Variants in DHX35 observed in about 807,000 individuals in gnomAD.
The protein encoded by DHX35 is DEAH-box helicase 35, also known as probable ATP-dependent RNA helicase DHX35.
DHX35 carries 84 observed loss-of-function variants against 99.6 expected under a neutral mutation model. That is an observed-to-expected ratio of 0.84 (90% CI 0.71 to 1.01). The LOEUF (loss-of-function observed/expected upper bound fraction) is 1.01. Ranked by LOEUF, DHX35 falls within the 50% of genes least tolerant of loss-of-function variation. DHX35 has a pLI of 0.00. For synonymous variants in DHX35, 331 were observed against 316.2 expected (o/e 1.05, Z -0.50); for missense variants, 852 against 888.5 (o/e 0.96, Z 0.52).
chr20:38,972,546 T>C lies in DHX35; in HGVS notation c.175-13T>C, dbSNP rs764049520. ...ATGTATGGCTATTTGCAAGGTGTGT[T>C]ATTCTTTTTCAGCTTAGGAATCATA... is the stretch of plus-strand genomic sequence containing the variant. On this transcript the variant is annotated splice_polypyrimidine_tract_variant and intron_variant, in intron 2 of 21. Transcript: ENST00000252011. 1 of 1,551,590 alleles carries C rather than the reference T, an allele frequency of 6.4e-7. No individual in the cohort carries two copies. The highest frequency in any genetic ancestry group is 1.1e-5 in the South Asian group (1 of 89,554).
rs921599626 is a variant in DHX35, at chr20:38,969,069, T to C, written c.41-12T>C. ...TATCAGAGAATCTGAAAAAAAAACA[T>C]TTCTGCTGCAGGTACAGAGGGGCCA... On this transcript the variant is annotated splice_polypyrimidine_tract_variant and intron_variant, in intron 1 of 21. Transcript: ENST00000252011. The C allele has an allele frequency of 6.3e-7, 1 of 1,577,638 alleles. No individual in the cohort carries two copies. Among genetic ancestry groups the C allele is most frequent in the Non-Finnish European group, 8.6e-7 (1 of 1,163,762 alleles).
intron 8 of DHX35, among the ~76,000 whole-genome samples, chr20:38,995,527 A>G (rs2086415439): frequency 6.6e-6 from 1 of 151,900 alleles, no homozygotes; most frequent in South Asian, 2.1e-4. Flanking sequence ...TTCATCTCAA[A>G]AAAAAAAAAA....
At position 38,989,034 on chromosome 20, in the gene DHX35, A is replaced by G. The variant is rs2086292735; in HGVS notation, c.450+117A>G. The G allele has an allele frequency of 6.1e-6, 7 of 1,147,666 alleles. No homozygotes were observed. In the South Asian group the frequency reaches 1.0e-4, roughly 16 times the overall value. 71.1% of individuals were successfully genotyped at this position (1,147,666 alleles called of 1,614,324 possible). The stretch of plus-strand genomic sequence containing the variant: ...ACATTGATACCATGGCAGAAAGTGA[A>G]GAAAAGTATCCTGACATTCAGAGAC... On this transcript the variant is annotated intron_variant, in intron 5 of 21. Coordinates refer to ENST00000252011, the MANE Select transcript of DHX35 (RefSeq NM_021931.4).
chr20:39,036,703 G>A (rs1168289927), intron 21 of DHX35, among the ~76,000 whole-genome samples: 1 of 133,766 alleles, frequency 7.5e-6, no homozygotes, highest in African/African-American at 3.0e-5. Context: ...TCCAGCCTAG[G>A]CGACAGAGCA....
chr20:38,971,061 G>C (rs2145835567), intron 2 of DHX35, among the ~76,000 whole-genome samples: 1 of 152,258 alleles, frequency 6.6e-6, no homozygotes, highest in African/African-American at 2.4e-5. Flanking sequence ...TTTAAAAACA[G>C]AAATTGGAGG....
intron 1 of DHX35, among the ~76,000 whole-genome samples, chr20:38,966,268 A>G (rs922355505): frequency 6.6e-6 from 1 of 152,272 alleles, no homozygotes; most frequent in African/African-American, 2.4e-5. Flanking sequence ...ATAGGCAGCC[A>G]CAGAGGGGTG....
chr20:38,993,592 C>T (rs2086375006), intron 7 of DHX35, among the ~76,000 whole-genome samples: 1 of 152,050 alleles, frequency 6.6e-6, no homozygotes, highest in East Asian at 1.9e-4. Flanking sequence ...CTTGAACTCC[C>T]AACCTCAGGT....
intron 3 of DHX35, among the ~76,000 whole-genome samples, chr20:38,974,287 C>G (rs1420096264): frequency 6.6e-6 from 1 of 152,132 alleles, no homozygotes; most frequent in Non-Finnish European, 1.5e-5. Flanking sequence ...GGGTCCTCAA[C>G]CAAGAGGTGA....
chr20:38,991,920 G>A (rs547504363), intron 6 of DHX35, among the ~76,000 whole-genome samples: 6 of 152,226 alleles, frequency 3.9e-5, no homozygotes, highest in Admixed American at 3.3e-4. Flanking sequence ...CTAGGCTCTG[G>A]TGTTCTCGAG....
rs2087205067 is a variant in DHX35, at chr20:39,039,133, C to G, written c.*590C>G. 1 of 153,184 alleles carries G rather than the reference C, an allele frequency of 6.5e-6. No homozygotes were observed. Among genetic ancestry groups the G allele is most frequent in the Non-Finnish European group, 1.5e-5 (1 of 68,766 alleles). The allele number at this position is 153,184 out of a possible 1,614,324, so 9.5% of individuals were successfully genotyped here. On this transcript the variant is annotated 3_prime_UTR_variant, in exon 22 of 22. Transcript: ENST00000252011. ...GCCCTTGTCCCTGTTTATCTGCAGC[C>G]AGGAGACTTGCAAGGGATTGGTGAT...
chr20:39,000,826 G>A (rs535796433), intron 8 of DHX35, among the ~76,000 whole-genome samples: 14 of 152,224 alleles, frequency 9.2e-5, no homozygotes, highest in African/African-American at 3.4e-4. Flanking sequence ...TCAAATAATG[G>A]AGCACTCCAC....
chr20:39,000,787 G>A lies in DHX35; in HGVS notation c.643-943G>A, dbSNP rs80261094. ...TAGCCAGGCCTCAGGGAAATGAGTAGAGGTGGGGAATGGAAAGGGCACCCA... is the reference window on the plus strand; with the variant it reads ...TAGCCAGGCCTCAGGGAAATGAGTAAAGGTGGGGAATGGAAAGGGCACCCA... On this transcript the variant is annotated intron_variant, in intron 8 of 21. Coordinates refer to ENST00000252011, the MANE Select transcript of DHX35 (RefSeq NM_021931.4). Among the ~76,000 whole-genome samples the A allele has an allele frequency of 3.9e-3, 594 of 152,240 alleles. 4 individuals carry two copies. Among genetic ancestry groups the A allele is most frequent in the African/African-American group, 0.014 (568 of 41,550 alleles).
intron 20 of DHX35, among the ~76,000 whole-genome samples, chr20:39,031,421 C>T (rs937479650): frequency 1.3e-5 from 2 of 151,394 alleles, no homozygotes; most frequent in Non-Finnish European, 2.9e-5. Context: ...ACTGCAACCT[C>T]TGCCTCCCAG....
Position 39,034,269 on chromosome 20 carries a change from A to C in DHX35, c.2019A>C (p.Glu673Asp). The C allele has an allele frequency of 6.2e-7, 1 of 1,614,222 alleles. No individual in the cohort carries two copies. The highest frequency in any genetic ancestry group is 8.5e-7 in the Non-Finnish European group (1 of 1,180,040). ...ACATGAGAGATGTGACTGCCATTGA[A>C]TCGGCCTGGCTGTTGGAGCTGGCTC... ...KYYMRDVTAI[E>D]SAWLLELAPH... The change falls in exon 21 of 22, where the codon GAA (glutamate) becomes GAC (aspartate). Residue 673 changes from glutamate to aspartate, a missense_variant. Transcript: ENST00000252011.
Position 39,018,700 on chromosome 20 carries a change from C to G in DHX35, c.1403-104C>G, listed in dbSNP as rs1445922497. ...TAGTGCATGAATCATCTTTTGGATA[C>G]TTTCTTCTTTTTAGCATACATTATC... On this transcript the variant is annotated intron_variant, in intron 14 of 21. Coordinates refer to ENST00000252011, the MANE Select transcript of DHX35 (RefSeq NM_021931.4). The G allele has an allele frequency of 2.6e-6, 3 of 1,137,150 alleles. No homozygotes were observed. The Admixed American group carries it at 6.0e-5, about 23-fold the overall frequency. The allele number at this position is 1,137,150 out of a possible 1,614,324, so 70.4% of individuals were successfully genotyped here.
At chr20:38,995,160 A>G (rs2086408804) in intron 8 of DHX35, among the ~76,000 whole-genome samples, 1 of 152,158 alleles carries the variant, frequency 6.6e-6, no homozygotes, top group African/African-American at 2.4e-5. Context: ...TTTTTTCAGT[A>G]TAAGCCTGTA....
rs143777441 is a variant in DHX35, at chr20:39,001,670, A to G, written c.643-60A>G. The G allele has an allele frequency of 2.9e-4, 389 of 1,341,672 alleles. 1 individual carries two copies. In the African/African-American group the frequency reaches 5.2e-3, roughly 18 times the overall value. 83.1% of individuals were successfully genotyped at this position (1,341,672 alleles called of 1,614,324 possible). Reference sequence around the variant, plus strand: ...AAGTTTTATATTATTTTTTCTTTCCATGAATCGCTACGAACCTTTTTTTCT... The same window carrying G: ...AAGTTTTATATTATTTTTTCTTTCCGTGAATCGCTACGAACCTTTTTTTCT... On this transcript the variant is annotated intron_variant, in intron 8 of 21. Transcript: ENST00000252011.
intron 18 of DHX35, 102 bp downstream of exon 18, chr20:39,025,461 C>G: frequency 7.1e-7 from 1 of 1,402,622 alleles, no homozygotes; most frequent in Non-Finnish European, 9.7e-7. Context: ...GTGTGGCGTG[C>G]TCTGTACCAA....
chr20:39,020,148 A>G (rs1479141530), intron 15 of DHX35, among the ~76,000 whole-genome samples: 1 of 152,210 alleles, frequency 6.6e-6, no homozygotes, highest in Non-Finnish European at 1.5e-5. Flanking sequence ...TCATTCATCC[A>G]GTGAATGGAC....
Sources: gnomAD v4.1 joint callset for allele counts (sites outside exome capture counted in the v4.1 genomes callset) on GRCh38, gnomAD v4.1.1 for gene constraint, MANE v1.5 for transcripts, NCBI Gene and HGNC (gene_info 2026-07-23, HGNC 2026-07-21) for gene names.